ZMAT4: variants seen among roughly 807,000 people sequenced by gnomAD.
ZMAT4 encodes zinc finger matrin-type protein 4.
In ZMAT4, 17 loss-of-function variants were observed where a neutral mutation model predicts 28.7. The ratio of observed to expected loss-of-function variants is 0.59; its 90% confidence interval spans 0.41 to 0.89. The LOEUF (loss-of-function observed/expected upper bound fraction) is 0.89. Ranked by LOEUF, ZMAT4 falls within the 40% of genes least tolerant of loss-of-function variation. The probability of loss-of-function intolerance (pLI) is 0.00; values close to 1 mark genes in which losing one functional copy is unlikely to be tolerated. For synonymous variants in ZMAT4, 117 were observed against 109.2 expected (o/e 1.07, Z -0.44); for missense variants, 240 against 283.8 (o/e 0.85, Z 1.11).
At chr8:40,730,260 A>G (rs1217761175) in intron 3 of ZMAT4, among the ~76,000 whole-genome samples, 2 of 152,178 alleles carry the variant, frequency 1.3e-5, no homozygotes, top group Non-Finnish European at 2.9e-5. Context: ...TGCTTCAATA[A>G]TGCTGAAAGA....
At chr8:40,702,989 G>T (rs984203487) in intron 3 of ZMAT4, among the ~76,000 whole-genome samples, 3 of 151,992 alleles carry the variant, frequency 2.0e-5, no homozygotes, top group Non-Finnish European at 4.4e-5. Flanking sequence ...GCAGTGTTGT[G>T]AGGCTAAAAA....
intron 2 of ZMAT4, among the ~76,000 whole-genome samples, chr8:40,810,253 G>A (rs1468671564): frequency 6.6e-6 from 1 of 152,024 alleles, no homozygotes; most frequent in East Asian, 1.9e-4. Flanking sequence ...GTATTCACAT[G>A]GATTCAAAAG....
intron 6 of ZMAT4, among the ~76,000 whole-genome samples, chr8:40,569,569 C>T (rs975627767): frequency 1.3e-5 from 2 of 152,168 alleles, no homozygotes; most frequent in Non-Finnish European, 2.9e-5. Flanking sequence ...TTCTTGACTC[C>T]CTCTTACCCA....
At chr8:40,759,617 T>C (rs1563464331) in intron 3 of ZMAT4, among the ~76,000 whole-genome samples, 2 of 152,172 alleles carry the variant, frequency 1.3e-5, no homozygotes, top group African/African-American at 2.4e-5. Flanking sequence ...ATTACCTTTC[T>C]GACGTTTAAG....
intron 5 of ZMAT4, among the ~76,000 whole-genome samples, chr8:40,627,998 A>G (rs1389850481): frequency 6.6e-6 from 1 of 152,214 alleles, no homozygotes; most frequent in Non-Finnish European, 1.5e-5. Context: ...ACAAGCTTTG[A>G]AATGTCTGCT....
At chr8:40,811,727 T>C (rs564134145) in intron 2 of ZMAT4, among the ~76,000 whole-genome samples, 18 of 152,256 alleles carry the variant, frequency 1.2e-4, no homozygotes, top group Admixed American at 8.5e-4. Context: ...TTAGAAGCCA[T>C]AGATTACATG....
intron 2 of ZMAT4, among the ~76,000 whole-genome samples, chr8:40,774,439 C>T (rs772329001): frequency 4.6e-5 from 7 of 152,048 alleles, no homozygotes; most frequent in Admixed American, 3.3e-4. Context: ...TTGATACAAG[C>T]TTCCTGGATG....
chr8:40,655,680 C>A (rs150858987), intron 5 of ZMAT4, among the ~76,000 whole-genome samples: 15 of 152,090 alleles, frequency 9.9e-5, no homozygotes, highest in Non-Finnish European at 2.2e-4. Flanking sequence ...TGAGTTTCAG[C>A]AAAGGTGCCA....
intron 3 of ZMAT4, among the ~76,000 whole-genome samples, chr8:40,717,021 A>G (rs1810887439): frequency 6.6e-6 from 1 of 152,226 alleles, no homozygotes; most frequent in African/African-American, 2.4e-5. Context: ...CTGTCCTCCT[A>G]TGAAAAGTTC....
intron 5 of ZMAT4, among the ~76,000 whole-genome samples, chr8:40,627,840 G>A (rs184787597): frequency 3.3e-5 from 5 of 152,248 alleles, no homozygotes; most frequent in Admixed American, 3.3e-4. Context: ...TCCTTTGAGG[G>A]GATGGGGCGG....
chr8:40,896,726 G>A (rs1563273364), intron 1 of ZMAT4, among the ~76,000 whole-genome samples: 2 of 152,120 alleles, frequency 1.3e-5, no homozygotes, highest in Admixed American at 6.5e-5. Flanking sequence ...GCTGCCTGCC[G>A]GGGTGAGCTG....
rs138354621 is a variant in ZMAT4 at position 40,677,596 on chromosome 8, T to C, written c.350-2665A>G. Reference sequence around the variant, plus strand: ...CAAATTGTGGAAGCTCTGTCCCTTCTACAGCTTTGATTCAATACCAAATAT... The same window carrying C: ...CAAATTGTGGAAGCTCTGTCCCTTCCACAGCTTTGATTCAATACCAAATAT... On this transcript the variant is annotated intron_variant, in intron 4 of 6. Transcript: ENST00000297737. 8.5e-5 allele frequency among the ~76,000 whole-genome samples: 13 copies of C among 152,312 alleles called. No homozygotes were observed. In the East Asian group the frequency reaches 2.5e-3, roughly 29 times the overall value.
chr8:40,793,601 C>T (rs1178694329), intron 2 of ZMAT4, among the ~76,000 whole-genome samples: 1 of 152,212 alleles, frequency 6.6e-6, no homozygotes, highest in Non-Finnish European at 1.5e-5. Flanking sequence ...TTAATCTCAT[C>T]TCCAAGTCAT....
chr8:40,766,051 G>T (rs902699080), intron 3 of ZMAT4, among the ~76,000 whole-genome samples: 1 of 152,114 alleles, frequency 6.6e-6, no homozygotes, highest in African/African-American at 2.4e-5. Flanking sequence ...ATGTGCCTAC[G>T]AAATTGGTAT....
intron 6 of ZMAT4, among the ~76,000 whole-genome samples, chr8:40,540,490 C>T (rs1263977475): frequency 1.3e-5 from 2 of 152,118 alleles, no homozygotes; most frequent in Admixed American, 1.3e-4. Flanking sequence ...AATTTGGGAC[C>T]CTCCTAGACC....
chr8:40,763,246 C>A (rs570489486), intron 3 of ZMAT4, among the ~76,000 whole-genome samples: 2 of 152,180 alleles, frequency 1.3e-5, no homozygotes, highest in Admixed American at 1.3e-4. Flanking sequence ...TGCAGATGCT[C>A]GTTATCGTCT....
chr8:40,575,952 A>C (rs1304694585), intron 6 of ZMAT4, among the ~76,000 whole-genome samples: 3 of 152,166 alleles, frequency 2.0e-5, no homozygotes, highest in African/African-American at 2.4e-5. Flanking sequence ...AATTCAACAA[A>C]AAGTTAGATA....
intron 1 of ZMAT4, among the ~76,000 whole-genome samples, chr8:40,886,954 G>A (rs991431710): frequency 4.6e-5 from 7 of 151,988 alleles, no homozygotes; most frequent in Non-Finnish European, 8.8e-5. Flanking sequence ...GGCAGAACAC[G>A]AGGTCAGGAG....
At position 40,722,857 on chromosome 8, in the gene ZMAT4, G is replaced by A. The variant is rs533726572; in HGVS notation, c.193-25456C>T. 3.3e-5 allele frequency among the ~76,000 whole-genome samples: 5 copies of A among 152,218 alleles called. No homozygotes were observed. The East Asian group carries it at 9.7e-4, about 29-fold the overall frequency. The stretch of plus-strand genomic sequence containing the variant: ...CTCACATACATCTCCACCTGTGAGC[G>A]TCCACATGCATACTCAGAAGTTAGT... On this transcript the variant is annotated intron_variant, in intron 3 of 6. Transcript: ENST00000297737.
Sources: allele counts gnomAD v4.1 joint callset (sites outside exome capture counted in the v4.1 genomes callset), GRCh38; gene constraint gnomAD v4.1.1; transcripts MANE v1.5; gene names NCBI Gene and HGNC (gene_info 2026-07-23, HGNC 2026-07-21).